The following PTPRM variants were observed in gnomAD, a reference collection of about 807,000 sequenced individuals.
The protein encoded by PTPRM is receptor-type tyrosine-protein phosphatase mu.
Under a neutral mutation model 186.7 loss-of-function variants are expected in PTPRM, and 47 were observed. The ratio of observed to expected loss-of-function variants is 0.25; its 90% CI spans 0.20 to 0.32. The LOEUF is 0.32. Among genes scored for constraint, PTPRM ranks in the 10% least tolerant of loss-of-function variants. The pLI is 1.00. For missense variants in PTPRM, 1,494 were observed against 1,865.0 expected (o/e 0.80, Z 3.66); for synonymous variants, 668 against 674.9 (o/e 0.99, Z 0.16).
At chr18:8,351,950 C>A (rs1204210688) in intron 23 of PTPRM, among the ~76,000 whole-genome samples, 1 of 152,180 alleles carries the variant, frequency 6.6e-6, no homozygotes, top group East Asian at 1.9e-4. Context: ...GCCTGAAAAC[C>A]TCAGTTCCCC....
chr18:8,169,344 C>CA (rs34078397), intron 14 of PTPRM, among the ~76,000 whole-genome samples: 17,678 of 121,754 alleles, frequency 0.15, 1,094 homozygotes, highest in Non-Finnish European at 0.18. Flanking sequence ...TTGATTTGGG[C>CA]AAAAAAAAAA....
intron 2 of PTPRM, chr18:7,815,462 G>T (rs1284435284): frequency 1.3e-5 from 2 of 152,144 alleles, no homozygotes; most frequent in African/African-American, 4.8e-5. Context: ...TTGGTTTGGG[G>T]CATGTTTCTA....
chr18:8,328,880 A>G (rs1348393101), intron 22 of PTPRM, among the ~76,000 whole-genome samples: 1 of 152,236 alleles, frequency 6.6e-6, no homozygotes, highest in Non-Finnish European at 1.5e-5. Flanking sequence ...CCAAATGGTC[A>G]CTTTCATAGA....
intron 19 of PTPRM, among the ~76,000 whole-genome samples, chr18:8,289,411 T>TAC (rs1254325098): frequency 1.5e-5 from 2 of 136,544 alleles, no homozygotes; most frequent in African/African-American, 5.8e-5. Context: ...TATATATATA[T>TAC]ACACATATAT....
intron 7 of PTPRM, among the ~76,000 whole-genome samples, chr18:8,012,888 T>C (rs2084625253): frequency 6.6e-6 from 1 of 152,086 alleles, no homozygotes; most frequent in South Asian, 2.1e-4. Context: ...TGTAGACTAG[T>C]GGGAAACACA....
At chr18:8,326,674 G>A (rs983914883) in intron 22 of PTPRM, among the ~76,000 whole-genome samples, 1 of 152,078 alleles carries the variant, frequency 6.6e-6, no homozygotes, top group Admixed American at 6.5e-5. Flanking sequence ...ACAAAAACAA[G>A]CAATGGGGAA....
chr18:8,166,202 A>G (rs2093321315), intron 14 of PTPRM, among the ~76,000 whole-genome samples: 1 of 152,128 alleles, frequency 6.6e-6, no homozygotes, highest in Non-Finnish European at 1.5e-5. Context: ...TTCTCCTCCC[A>G]GCTCTGAGAA....
intron 7 of PTPRM, among the ~76,000 whole-genome samples, chr18:7,975,201 G>A (rs765979805): frequency 1.3e-5 from 2 of 152,182 alleles, no homozygotes; most frequent in African/African-American, 2.4e-5. Context: ...TTGGAAAACA[G>A]GTGGGCAGTT....
chr18:8,172,450 C>T (rs1401884793), intron 14 of PTPRM, among the ~76,000 whole-genome samples: 12 of 151,968 alleles, frequency 7.9e-5, no homozygotes, highest in Admixed American at 7.9e-4. Flanking sequence ...AGCTGTGTTC[C>T]TCAATAGTCC....
intron 14 of PTPRM, among the ~76,000 whole-genome samples, chr18:8,203,731 AGT>A (rs978748613): frequency 1.3e-5 from 2 of 152,200 alleles, no homozygotes; most frequent in Admixed American, 6.5e-5. Context: ...GTATGTCTAT[AGT>A]GTGTGTGTGA....
chr18:8,343,383 T>TA (rs1568789251), intron 22 of PTPRM, 40 bp from the exon 23 acceptor site: 2 of 1,589,254 alleles, frequency 1.3e-6, no homozygotes, highest in East Asian at 2.2e-5. Flanking sequence ...AGTTGAAACT[T>TA]ACAACAAAAA....
At chr18:7,748,549 C>T (rs976695996) in intron 1 of PTPRM, among the ~76,000 whole-genome samples, 2 of 152,170 alleles carry the variant, frequency 1.3e-5, no homozygotes. Flanking sequence ...CACTGTGGAG[C>T]AGAGCTGCCA....
chr18:7,725,736 G>C (rs1248650504), intron 1 of PTPRM, among the ~76,000 whole-genome samples: 1 of 152,042 alleles, frequency 6.6e-6, no homozygotes. Flanking sequence ...TTACCTTCCT[G>C]CCCTGTCCCT....
intron 1 of PTPRM, among the ~76,000 whole-genome samples, chr18:7,650,456 CCA>C (rs1216982933): frequency 7.1e-6 from 1 of 141,602 alleles, no homozygotes; most frequent in African/African-American, 2.7e-5. Context: ...CCCCCCCCCC[CCA>C]CTGTAATTTA....
intron 1 of PTPRM, among the ~76,000 whole-genome samples, chr18:7,678,182 C>T (rs1035599902): frequency 6.6e-6 from 1 of 152,112 alleles, no homozygotes; most frequent in African/African-American, 2.4e-5. Flanking sequence ...TAAAGGAAAA[C>T]ACCCCTCCCC....
At chr18:8,152,712 C>CTTTTTTT (rs35112154) in intron 14 of PTPRM, among the ~76,000 whole-genome samples, 265 of 56,920 alleles carry the variant, frequency 4.7e-3, no homozygotes, top group Non-Finnish European at 5.0e-3. Context: ...TGCCTCACCT[C>CTTTTTTT]TTTTTTTTTT....
intron 23 of PTPRM, chr18:8,361,028 T>TCC (rs2148391642): frequency 6.6e-6 from 1 of 152,322 alleles, no homozygotes; most frequent in South Asian, 2.1e-4. Flanking sequence ...ATTGGGCAGG[T>TCC]CATATATCAT....
rs772294333 is a variant in PTPRM, at chr18:8,376,520, G to A, written c.3385G>A (p.Glu1129Lys). ...CATTGATATCATGTTGGACATGGCC[G>A]AAAGGGAAGGGGTCGTAGACATCTA... ...IVIDIMLDMAEREGVVDIYNC... is the reference protein window; with the variant it reads ...IVIDIMLDMAKREGVVDIYNC... Residue 1129 changes from glutamate (E) to lysine (K), a missense_variant, in exon 26 of 33, where the codon GAA (glutamate) becomes AAA (lysine). Glu to Lys is a moderately conservative substitution (Grantham distance 56). Around this residue, in one of 3 missense-constraint regions of PTPRM, gnomAD observed 1,107 missense variants for 1,350.2 expected, o/e 0.82. Coordinates refer to ENST00000580170, the MANE Select transcript of PTPRM (RefSeq NM_001105244.2). 53 of 1,613,888 alleles carry A rather than the reference G, an allele frequency of 3.3e-5. No individual in the cohort carries two copies. Among genetic ancestry groups the A allele is most frequent in the Middle Eastern group, 3.3e-4 (2 of 6,078 alleles).
chr18:8,205,828 T>A (rs1403210829), intron 14 of PTPRM, among the ~76,000 whole-genome samples: 1 of 152,172 alleles, frequency 6.6e-6, no homozygotes, highest in Non-Finnish European at 1.5e-5. Context: ...GCATTTTCCC[T>A]CTTAGAGAAA....
Sources: allele counts gnomAD v4.1 joint callset (sites outside exome capture counted in the v4.1 genomes callset), GRCh38; gene constraint gnomAD v4.1.1; regional missense constraint gnomAD v4.1.1; transcripts MANE v1.5; gene names NCBI Gene and HGNC (gene_info 2026-07-23, HGNC 2026-07-21).